BOD1L1: variants seen among roughly 807,000 people sequenced by gnomAD.
BOD1L1 encodes biorientation of chromosomes in cell division 1 like 1.
In BOD1L1, 86 loss-of-function variants were observed where a neutral mutation model predicts 240.7. The ratio of observed to expected loss-of-function variants is 0.36; its 90% CI spans 0.30 to 0.43. The LOEUF (loss-of-function observed/expected upper bound fraction) is 0.43. BOD1L1 is among the 20% of genes least tolerant of loss of function. BOD1L1 has a pLI of 1.00. For missense variants in BOD1L1, 3,554 were observed against 3,643.5 expected (o/e 0.98, Z 0.63); for synonymous variants, 1,268 against 1,272.3 (o/e 1.00, Z 0.07).
At chr4:13,594,602 A>G (rs1714466865) in intron 12 of BOD1L1, among the ~76,000 whole-genome samples, 1 of 152,136 alleles carries the variant, frequency 6.6e-6, no homozygotes, top group Non-Finnish European at 1.5e-5. Flanking sequence ...AAACCCAACC[A>G]TTGGCCGAGC....
Position 13,613,103 on chromosome 4 carries a change from CTA to C in BOD1L1, c.1324+407_1324+408del, listed in dbSNP as rs1040045191. On this transcript the variant is annotated intron_variant, in intron 5 of 25. Coordinates refer to ENST00000040738, the MANE Select transcript of BOD1L1 (RefSeq NM_148894.3). The surrounding 1 kb of genome is among the most constrained non-coding windows in gnomAD (Gnocchi z 4.0). ...TGAGTATACCACCTTTCGGTAAGTT[CTA>C]TGAGCCCTTTTAGCAAATTATCAAA... Among the ~76,000 whole-genome samples, 1 of 152,128 alleles carries C rather than the reference CTA, an allele frequency of 6.6e-6. No homozygotes were observed. The highest frequency in any genetic ancestry group is 1.5e-5 in the Non-Finnish European group (1 of 68,026).
intron 25 of BOD1L1, among the ~76,000 whole-genome samples, chr4:13,573,391 C>A (rs773869821): frequency 3.3e-5 from 5 of 151,488 alleles, no homozygotes; most frequent in Non-Finnish European, 5.9e-5. Context: ...TTAGACCACA[C>A]TTGGTATACA....
chr4:13,605,339 A>C (rs916377708), intron 9 of BOD1L1, among the ~76,000 whole-genome samples: 10 of 152,224 alleles, frequency 6.6e-5, no homozygotes, highest in Non-Finnish European at 1.3e-4. Flanking sequence ...CAATAAAAAA[A>C]CTAATTCTAA....
At chr4:13,576,150 T>G (rs960152629) in intron 25 of BOD1L1, among the ~76,000 whole-genome samples, 11 of 152,198 alleles carry the variant, frequency 7.2e-5, no homozygotes, top group African/African-American at 2.2e-4. Context: ...TTCGCCTGCC[T>G]TGGCCTCCCA....
chr4:13,593,031 A>G (rs956114239), intron 12 of BOD1L1: 1 of 152,184 alleles, frequency 6.6e-6, no homozygotes, highest in African/African-American at 2.4e-5. Context: ...AAATGCTCCA[A>G]AATCTGAAAT....
At chr4:13,577,013 A>C in intron 24 of BOD1L1, 22 bp from the exon 25 acceptor site, 1 of 1,610,030 alleles carries the variant, frequency 6.2e-7, no homozygotes, top group Non-Finnish European at 8.5e-7. Flanking sequence ...GAAGGGTAAC[A>C]CCTGGATTTT....
At chr4:13,586,767 A>T (rs552640112) in intron 16 of BOD1L1, among the ~76,000 whole-genome samples, 2 of 152,340 alleles carry the variant, frequency 1.3e-5, no homozygotes, top group East Asian at 3.9e-4. Flanking sequence ...AGATACTTTA[A>T]CTTTCTAAAT....
Position 13,603,935 on chromosome 4 carries a change from T to C in BOD1L1, c.2965A>G (p.Ser989Gly). 1 of 1,613,986 alleles carries C rather than the reference T, an allele frequency of 6.2e-7. No homozygotes were observed. The highest frequency in any genetic ancestry group is 8.5e-7 in the Non-Finnish European group (1 of 1,179,884). The change falls in exon 10 of 26, where the codon AGT becomes GGT. Residue 989 changes from serine to glycine, a missense_variant. Ser to Gly is a moderately conservative substitution (Grantham distance 56, BLOSUM62 0). Coordinates refer to ENST00000040738, the MANE Select transcript of BOD1L1 (RefSeq NM_148894.3). Reference sequence around the variant, plus strand: ...GCTAATGGTAACTTGGCTCTATGACTAGAATCCTTCTGTGTACTATGTGCT... The same window carrying C: ...GCTAATGGTAACTTGGCTCTATGACCAGAATCCTTCTGTGTACTATGTGCT... ...SSAHSTQKDS[S>G]HRAKLPLAKE...
At position 13,615,588 on chromosome 4, in the gene BOD1L1, CATCT is replaced by C. The variant is rs1285075606; in HGVS notation, c.369-90_369-87del. 5.3e-5 allele frequency: 65 copies of C among 1,231,356 alleles called. No homozygotes were observed. The East Asian group carries it at 1.5e-3, about 29-fold the overall frequency. 76.3% of individuals were successfully genotyped at this position (1,231,356 alleles called of 1,614,324 possible). Reference sequence around the variant, plus strand: ...TTTAAAATAACACTCTACAATCTGTCATCTATCTATCCATCCATCCAACCTTAAA... The same window carrying C: ...TTTAAAATAACACTCTACAATCTGTCATCTATCCATCCATCCAACCTTAAA... On this transcript the variant is annotated intron_variant, in intron 2 of 25. Coordinates refer to ENST00000040738, the MANE Select transcript of BOD1L1 (RefSeq NM_148894.3).
At position 13,600,416 on chromosome 4, in the gene BOD1L1, T is replaced by C. The variant is rs200045792; in HGVS notation, c.6484A>G (p.Ile2162Val). Residue 2162 changes from isoleucine to valine, a missense_variant, in exon 10 of 26, where the codon ATC becomes GTC. Around this residue, in one of 2 missense-constraint regions of BOD1L1, gnomAD observed 3,393 missense variants for 3,427.1 expected, o/e 0.99. Coordinates refer to ENST00000040738, the MANE Select transcript of BOD1L1 (RefSeq NM_148894.3). ...GGCTGAAGACTTTCAGCACACTTGA[T>C]GGTTGTTGCACTGGAGATAGGCAAT... ...FELPISSATT[I>V]KCAESLQPVA... 7 of 1,613,946 alleles carry C rather than the reference T, an allele frequency of 4.3e-6. No individual in the cohort carries two copies. The Admixed American group carries it at 6.7e-5, about 15-fold the overall frequency.
chr4:13,595,268 G>A (rs747944124), intron 12 of BOD1L1, among the ~76,000 whole-genome samples: 1 of 152,080 alleles, frequency 6.6e-6, no homozygotes, highest in Admixed American at 6.6e-5. Flanking sequence ...AATCTCTTTG[G>A]GGTCTTCGGT....
chr4:13,604,462 A>G lies in BOD1L1; in HGVS notation c.2438T>C (p.Ile813Thr). Residue 813 changes from isoleucine (I) to threonine (T), a missense_variant, in exon 10 of 26, where the codon ATT becomes ACT. Transcript: ENST00000040738. ...GKDGKPVSEY[I>T]IKTDENVRKE... ...ACGAACATTCTCATCTGTTTTTATAATATATTCAGAAACTGGCTTTCCATC... is the reference window on the plus strand; with the variant it reads ...ACGAACATTCTCATCTGTTTTTATAGTATATTCAGAAACTGGCTTTCCATC... 1.9e-6 allele frequency: 3 copies of G among 1,546,108 alleles called. No individual in the cohort carries two copies. Among genetic ancestry groups the G allele is most frequent in the Non-Finnish European group, 2.6e-6 (3 of 1,156,666 alleles).
Position 13,604,453 on chromosome 4 carries a change from GT to G in BOD1L1, c.2446del (p.Thr816GlnfsTer72). On this transcript the variant is annotated frameshift_variant, in exon 10 of 26. Coordinates refer to ENST00000040738, the MANE Select transcript of BOD1L1 (RefSeq NM_148894.3). LOFTEE classifies it high-confidence loss of function. The part of the protein sequence containing the change: ...GKPVSEYIIK[T>X]DENVRKENNK... ...GTTTTCTTTACGAACATTCTCATCT[GT>G]TTTTATAATATATTCAGAAACTGGC... 1 of 1,554,068 alleles carries G rather than the reference GT, an allele frequency of 6.4e-7. No individual in the cohort carries two copies. Among genetic ancestry groups the G allele is most frequent in the Non-Finnish European group, 8.6e-7 (1 of 1,160,634 alleles).
intron 2 of BOD1L1, among the ~76,000 whole-genome samples, chr4:13,619,305 T>TAAAAAA (rs10650324): frequency 7.6e-6 from 1 of 130,796 alleles, no homozygotes; most frequent in African/African-American, 2.9e-5. Flanking sequence ...TGAGACTCTT[T>TAAAAAA]AAAAAAAAAA....
chr4:13,619,627 A>C (rs1447748654), intron 2 of BOD1L1, among the ~76,000 whole-genome samples: 1 of 152,222 alleles, frequency 6.6e-6, no homozygotes, highest in Non-Finnish European at 1.5e-5. Context: ...GGGTCAAGAA[A>C]ATAGTTGTGA....
At chr4:13,572,980 G>A (rs553515786) in intron 25 of BOD1L1, 4 of 582,774 alleles carry the variant, frequency 6.9e-6, no homozygotes, top group East Asian at 7.0e-5. Flanking sequence ...TGGTTTTCCT[G>A]ACCACTGCTG....
intron 13 of BOD1L1, among the ~76,000 whole-genome samples, 155 bp from the exon 14 acceptor site, chr4:13,590,601 C>T (rs1474131333): frequency 6.6e-6 from 1 of 152,162 alleles, no homozygotes. Context: ...CCCAGAAGCT[C>T]AAAAGCATGC....
chr4:13,596,975 TAAC>T (rs890620139), intron 11 of BOD1L1, 126 bp downstream of exon 11: 13 of 723,442 alleles, frequency 1.8e-5, no homozygotes, highest in Non-Finnish European at 2.7e-5. Flanking sequence ...GATATGGCAA[TAAC>T]AACACTAAAT....
chr4:13,572,172 A>C (rs1322772484), intron 25 of BOD1L1, among the ~76,000 whole-genome samples: 1 of 152,194 alleles, frequency 6.6e-6, no homozygotes, highest in East Asian at 1.9e-4. Flanking sequence ...AGAGATGAAA[A>C]TGGGCTGAAG....
Sources: allele counts gnomAD v4.1 joint callset (sites outside exome capture counted in the v4.1 genomes callset), GRCh38; gene constraint gnomAD v4.1.1; regional missense constraint gnomAD v4.1.1; non-coding constraint Gnocchi (gnomAD v3.1); transcripts MANE v1.5; gene names NCBI Gene and HGNC (gene_info 2026-07-23, HGNC 2026-07-21).